CAMTA1: variants seen among roughly 807,000 people sequenced by gnomAD.
The protein encoded by CAMTA1 is calmodulin binding transcription activator 1.
In CAMTA1, 27 loss-of-function variants were observed where a neutral mutation model predicts 170.9. The observed-to-expected ratio is 0.16, with a 90% confidence interval of 0.12 to 0.22. CAMTA1 has a LOEUF of 0.22. Among genes scored for constraint, CAMTA1 ranks in the 10% least tolerant of loss-of-function variants. The pLI is 1.00. For missense variants in CAMTA1, 1,619 were observed against 2,217.2 expected, an observed-to-expected ratio of 0.73 and a Z score of 5.42; for synonymous variants, 833 against 891.5, an observed-to-expected ratio of 0.93 and a Z score of 1.17.
chr1:7,751,175 C>T (rs746118265), intron 19 of CAMTA1, 24 bp from the exon 20 acceptor site: 23 of 1,547,306 alleles, frequency 1.5e-5, no homozygotes, highest in Middle Eastern at 1.7e-4. Context: ...GTTACTGTGT[C>T]GCTTGTTCTT....
intron 4 of CAMTA1, among the ~76,000 whole-genome samples, chr1:7,242,154 T>G (rs1664976630): frequency 6.6e-6 from 1 of 152,140 alleles, no homozygotes; most frequent in African/African-American, 2.4e-5. Flanking sequence ...TCAAATAGAT[T>G]CAATGTCTAT....
intron 5 of CAMTA1, among the ~76,000 whole-genome samples, chr1:7,424,886 G>T (rs543399231): frequency 4.6e-5 from 7 of 152,070 alleles, no homozygotes; most frequent in Non-Finnish European, 7.4e-5. Flanking sequence ...TTGTCATGGT[G>T]GCGCTCATCC....
At chr1:7,514,501 G>C (rs1183073534) in intron 6 of CAMTA1, among the ~76,000 whole-genome samples, 3 of 152,256 alleles carry the variant, frequency 2.0e-5, no homozygotes, top group Admixed American at 6.5e-5. Flanking sequence ...AGCACCAGGG[G>C]CTGGGAAGGG....
chr1:7,660,228 C>G (rs1279101139), intron 7 of CAMTA1, among the ~76,000 whole-genome samples: 3 of 152,180 alleles, frequency 2.0e-5, no homozygotes, highest in Non-Finnish European at 4.4e-5. Context: ...GCCACCACGC[C>G]CAGCTAATTT....
At position 7,543,437 on chromosome 1, in the gene CAMTA1, C is replaced by T. The variant is rs561541052; in HGVS notation, c.510+75536C>T. On this transcript the variant is annotated intron_variant, in intron 6 of 22. Transcript: ENST00000303635. ...GAGATAGCTTTGACATGAAATATCT[C>T]GCTTTTATTATTATTTTCACATGGC... is the stretch of plus-strand genomic sequence containing the variant. 1.4e-4 allele frequency among the ~76,000 whole-genome samples: 21 copies of T among 152,226 alleles called. No individual in the cohort carries two copies. In the South Asian group the frequency reaches 4.2e-3, roughly 30 times the overall value.
Position 7,007,939 on chromosome 1 carries a change from CAG to C in CAMTA1, c.235-83362_235-83361del, listed in dbSNP as rs1327650495. Among the ~76,000 whole-genome samples, 2 of 152,198 alleles carry C rather than the reference CAG, an allele frequency of 1.3e-5. No individual in the cohort carries two copies. Among genetic ancestry groups the C allele is most frequent in the Non-Finnish European group, 2.9e-5 (2 of 68,034 alleles). On this transcript the variant is annotated intron_variant, in intron 3 of 22. Transcript: ENST00000303635. The surrounding 1 kb of genome is among the most constrained non-coding windows in gnomAD (Gnocchi z 4.5). Reference sequence around the variant, plus strand: ...AACAGCGTTCCATACAATTGAGTGACAGAGCCCTGCGTGGAAAGGGAGGCCCG... The same window carrying C: ...AACAGCGTTCCATACAATTGAGTGACAGCCCTGCGTGGAAAGGGAGGCCCG...
intron 3 of CAMTA1, among the ~76,000 whole-genome samples, chr1:6,860,742 C>G (rs1664355661): frequency 6.6e-6 from 1 of 151,994 alleles, no homozygotes; most frequent in African/African-American, 2.4e-5. Context: ...GAAACCCCAT[C>G]TCTACTAAAA....
chr1:7,670,180 G>A lies in CAMTA1; in HGVS notation c.2653-731G>A, dbSNP rs1359102292. Among the ~76,000 whole-genome samples the A allele has an allele frequency of 3.9e-5, 6 of 152,198 alleles. No individual in the cohort carries two copies. In the East Asian group the frequency reaches 1.2e-3, roughly 29 times the overall value. ...GTGGGACCCCAGGCTAGCTGTGTAG[G>A]CAGTGACACAGACTCAAGGACCTTT... On this transcript the variant is annotated intron_variant, in intron 9 of 22. Transcript: ENST00000303635.
intron 4 of CAMTA1, among the ~76,000 whole-genome samples, chr1:7,119,495 G>A (rs558110660): frequency 3.9e-5 from 6 of 152,096 alleles, no homozygotes; most frequent in African/African-American, 1.4e-4. Context: ...CTGCCAAATC[G>A]GAGTTCTGGA....
At chr1:6,809,735 C>A (rs568494386) in intron 1 of CAMTA1, among the ~76,000 whole-genome samples, 12 of 151,836 alleles carry the variant, frequency 7.9e-5, no homozygotes, top group Non-Finnish European at 1.6e-4. Context: ...GGGGAGAGAA[C>A]CAGTAGAGGC....
intron 11 of CAMTA1, among the ~76,000 whole-genome samples, chr1:7,723,179 G>T (rs2096660653): frequency 6.6e-6 from 1 of 152,106 alleles, no homozygotes; most frequent in Admixed American, 6.5e-5. Context: ...TTAGAGAAAT[G>T]GACAGTTCTA....
At chr1:7,230,051 G>A (rs986329560) in intron 4 of CAMTA1, among the ~76,000 whole-genome samples, 2 of 152,072 alleles carry the variant, frequency 1.3e-5, no homozygotes, top group Non-Finnish European at 2.9e-5. Context: ...GCCGGAGAAG[G>A]GGCTGAGGTA....
chr1:7,199,603 G>A (rs1220102260), intron 4 of CAMTA1, among the ~76,000 whole-genome samples: 2 of 152,110 alleles, frequency 1.3e-5, no homozygotes, highest in Admixed American at 6.6e-5. Flanking sequence ...CGGTGGGCAC[G>A]CCCAGCCCTT....
intron 3 of CAMTA1, among the ~76,000 whole-genome samples, chr1:6,937,706 C>G (rs1292036604): frequency 6.6e-6 from 1 of 150,498 alleles, no homozygotes; most frequent in Non-Finnish European, 1.5e-5. Context: ...TCACCACTTA[C>G]CACCACCATC....
intron 3 of CAMTA1, among the ~76,000 whole-genome samples, chr1:6,979,304 C>G (rs776890568): frequency 6.6e-6 from 1 of 152,222 alleles, no homozygotes; most frequent in Non-Finnish European, 1.5e-5. Flanking sequence ...CTCTCCCACT[C>G]TGCAGGCAGC....
chr1:7,424,997 G>C (rs537155346), intron 5 of CAMTA1, among the ~76,000 whole-genome samples: 2 of 152,084 alleles, frequency 1.3e-5, no homozygotes, highest in Non-Finnish European at 2.9e-5. Context: ...TCACTTCCAG[G>C]GGGGCTCGGG....
intron 1 of CAMTA1, among the ~76,000 whole-genome samples, chr1:6,801,862 C>T (rs1414137202): frequency 6.7e-6 from 1 of 149,262 alleles, no homozygotes; most frequent in Non-Finnish European, 1.5e-5. Flanking sequence ...TTCATTTATA[C>T]AGAAAGTGAT....
intron 6 of CAMTA1, among the ~76,000 whole-genome samples, chr1:7,489,462 G>A (rs1413612181): frequency 2.0e-5 from 3 of 152,254 alleles, no homozygotes; most frequent in African/African-American, 7.2e-5. Flanking sequence ...GGCTCCCGGC[G>A]AGCCTCTGCA....
chr1:7,350,530 C>T (rs36074838), intron 5 of CAMTA1, among the ~76,000 whole-genome samples: 30,305 of 152,182 alleles, frequency 0.2, 3,814 homozygotes, highest in East Asian at 0.56. Flanking sequence ...AGAAGCCAGC[C>T]GTGTGGCCTT....
Sources: gnomAD v4.1 joint callset for allele counts (sites outside exome capture counted in the v4.1 genomes callset) on GRCh38, gnomAD v4.1.1 for gene constraint, Gnocchi (gnomAD v3.1) non-coding constraint, MANE v1.5 for transcripts, NCBI Gene and HGNC (gene_info 2026-07-23, HGNC 2026-07-21) for gene names.